The following ATP2B2 variants were observed in gnomAD, a reference collection of about 807,000 sequenced individuals.
ATP2B2 encodes the protein ATPase plasma membrane Ca2+ transporting 2, also known as plasma membrane calcium-transporting ATPase 2.
ATP2B2 carries 15 observed loss-of-function variants against 120.0 expected under a neutral mutation model. The observed-to-expected ratio is 0.12, with a 90% CI of 0.08 to 0.19. The LOEUF (loss-of-function observed/expected upper bound fraction) is 0.19. ATP2B2 is among the 10% of genes least tolerant of loss of function. ATP2B2 has a pLI of 1.00. For synonymous variants in ATP2B2, 694 were observed against 700.3 expected, an observed-to-expected ratio of 0.99 and a Z score of 0.14; for missense variants, 1,045 against 1,719.8, an observed-to-expected ratio of 0.61 and a Z score of 6.94.
intron 1 of ATP2B2, among the ~76,000 whole-genome samples, chr3:10,494,507 C>A (rs1193849240): frequency 6.6e-6 from 1 of 152,182 alleles, no homozygotes; most frequent in Non-Finnish European, 1.5e-5. Context: ...GCCTTCTCCT[C>A]CAGTTAAGAT....
chr3:10,388,165 G>C (rs1261441553), intron 6 of ATP2B2, 112 bp downstream of exon 6: 3 of 1,499,158 alleles, frequency 2.0e-6, no homozygotes, highest in East Asian at 4.6e-5. Context: ...TGTCAGCACA[G>C]GGTGCGGACG....
Position 10,487,780 on chromosome 3 carries a change from A to C in ATP2B2, c.-320+17685T>G, listed in dbSNP as rs1251501844. Among the ~76,000 whole-genome samples the C allele has an allele frequency of 3.9e-5, 6 of 152,338 alleles. No individual in the cohort carries two copies. The East Asian group carries it at 7.7e-4, about 20-fold the overall frequency. ...ATGGTGCCAGGCACCACTGAAAGCCACTATCTGAAAGTGCCTCCAACAGTA... is the reference window on the plus strand; with the variant it reads ...ATGGTGCCAGGCACCACTGAAAGCCCCTATCTGAAAGTGCCTCCAACAGTA... On this transcript the variant is annotated intron_variant, in intron 1 of 22. Coordinates refer to ENST00000360273, the MANE Select transcript of ATP2B2 (RefSeq NM_001001331.4).
intron 1 of ATP2B2, among the ~76,000 whole-genome samples, chr3:10,472,456 C>G (rs2125289150): frequency 6.6e-6 from 1 of 152,334 alleles, no homozygotes; most frequent in Admixed American, 6.5e-5. Context: ...TCCAAGGTCG[C>G]AGGAACCTGG....
chr3:10,432,568 C>T (rs185362779), intron 2 of ATP2B2, among the ~76,000 whole-genome samples: 161 of 152,380 alleles, frequency 1.1e-3, no homozygotes, highest in African/African-American at 3.7e-3. Context: ...CCAGCGCTCA[C>T]TTGCTCAACA....
chr3:10,583,938 C>T (rs1418157594), intron 2 of ATP2B2, among the ~76,000 whole-genome samples: 2 of 152,202 alleles, frequency 1.3e-5, no homozygotes, highest in Non-Finnish European at 2.9e-5. Flanking sequence ...GTGCCCAGGA[C>T]CCTGACAGCA....
chr3:10,561,353 T>C (rs569717580), intron 2 of ATP2B2, among the ~76,000 whole-genome samples: 24 of 152,286 alleles, frequency 1.6e-4, no homozygotes, highest in African/African-American at 5.5e-4. Context: ...TCATGAGACA[T>C]GTGCTATGTT....
chr3:10,382,414 T>C (rs2061557442), intron 8 of ATP2B2, among the ~76,000 whole-genome samples: 1 of 151,866 alleles, frequency 6.6e-6, no homozygotes, highest in Non-Finnish European at 1.5e-5. Context: ...TGGCATGATC[T>C]CAGCTCACTG....
chr3:10,646,683 G>A (rs764037056), intron 1 of ATP2B2, among the ~76,000 whole-genome samples: 12 of 152,084 alleles, frequency 7.9e-5, no homozygotes, highest in East Asian at 1.9e-4. Flanking sequence ...AGCAGAGTGC[G>A]TTACATAATG....
chr3:10,679,031 A>G (rs962558232), intron 1 of ATP2B2, among the ~76,000 whole-genome samples: 3 of 152,176 alleles, frequency 2.0e-5, no homozygotes, highest in African/African-American at 7.2e-5. Flanking sequence ...AGAGACTTCT[A>G]TCTCTCTCCT....
Position 10,345,402 on chromosome 3 carries a change from T to C in ATP2B2, c.2685A>G (p.Thr895=). The change falls in exon 18 of 23, where the codon ACA becomes ACG. Residue 895 remains threonine (T), a synonymous_variant. Coordinates refer to ENST00000360273, the MANE Select transcript of ATP2B2 (RefSeq NM_001001331.4). Reference sequence around the variant, plus strand: ...GACCCACCTGCGTGATGCAGGCGCCTGTGAAGGCCACAATCACGGCCACCA... The same window carrying C: ...GACCCACCTGCGTGATGCAGGCGCCCGTGAAGGCCACAATCACGGCCACCA... ...VNVVAVIVAF[T]GACITQDSPL... 6.2e-7 allele frequency: 1 copy of C among 1,614,182 alleles called. No individual in the cohort carries two copies. Among genetic ancestry groups the C allele is most frequent in the Non-Finnish European group, 8.5e-7 (1 of 1,180,016 alleles).
At chr3:10,389,920 G>A (rs369331667) in intron 5 of ATP2B2, among the ~76,000 whole-genome samples, 22 of 152,200 alleles carry the variant, frequency 1.4e-4, no homozygotes, top group African/African-American at 3.9e-4. Context: ...TAGCAGCGAG[G>A]GAATGCGGCA....
Position 10,350,543 on chromosome 3 carries a change from C to A in ATP2B2, c.2171G>T (p.Gly724Val). The change falls in exon 15 of 23, where the codon GGC becomes GTC. Residue 724 changes from glycine to valine, a missense_variant. Physicochemically the swap from Gly to Val is moderately radical, Grantham distance 109. Around this residue, in one of 11 missense-constraint regions of ATP2B2, gnomAD observed 343 missense variants for 536.8 expected, o/e 0.64. Transcript: ENST00000360273. ...PEAIRKCQRA[G>V]ITVRMVTGDN... Reference sequence around the variant, plus strand: ...GCCAGTGACCATGCGGACCGTGATGCCTGCCCGCTGGCACTTGCGGATGGC... The same window carrying A: ...GCCAGTGACCATGCGGACCGTGATGACTGCCCGCTGGCACTTGCGGATGGC... The A allele has an allele frequency of 6.2e-7, 1 of 1,613,872 alleles. No individual in the cohort carries two copies.
chr3:10,684,758 G>A (rs1395571271), intron 1 of ATP2B2, among the ~76,000 whole-genome samples: 3 of 152,194 alleles, frequency 2.0e-5, no homozygotes, highest in East Asian at 1.9e-4. Context: ...CCATGGCAAT[G>A]GCCACAAAGG....
intron 1 of ATP2B2, among the ~76,000 whole-genome samples, chr3:10,634,534 A>G (rs145929446): frequency 2.0e-4 from 31 of 152,330 alleles, no homozygotes; most frequent in African/African-American, 7.2e-4. Context: ...CCTGATTCCA[A>G]AAATAGCCCC....
chr3:10,506,988 G>A (rs557835282), upstream of ATP2B2, among the ~76,000 whole-genome samples: 1 of 152,356 alleles, frequency 6.6e-6, no homozygotes, highest in Non-Finnish European at 1.5e-5. Flanking sequence ...GCCTGAGGTG[G>A]GTCTCCCACC....
chr3:10,480,465 C>T (rs1388422740), intron 1 of ATP2B2, among the ~76,000 whole-genome samples: 1 of 152,156 alleles, frequency 6.6e-6, no homozygotes, highest in South Asian at 2.1e-4. Flanking sequence ...GGACACATCC[C>T]CAGAATGGTA....
At chr3:10,336,881 C>T (rs547264431) in intron 22 of ATP2B2, among the ~76,000 whole-genome samples, 3 of 152,366 alleles carry the variant, frequency 2.0e-5, no homozygotes, top group Admixed American at 1.3e-4. Context: ...CTCAAGAAAT[C>T]GCAGTCCTTG....
chr3:10,408,915 A>G (rs2062511924), intron 3 of ATP2B2, among the ~76,000 whole-genome samples: 1 of 152,184 alleles, frequency 6.6e-6, no homozygotes, highest in Non-Finnish European at 1.5e-5. Context: ...CCGAGGAGCC[A>G]GAATGCTTTG....
intron 2 of ATP2B2, among the ~76,000 whole-genome samples, chr3:10,431,041 C>G (rs767516586): frequency 6.6e-6 from 1 of 151,818 alleles, no homozygotes; most frequent in Non-Finnish European, 1.5e-5. Context: ...ATAAGTGGAG[C>G]GTGAAGATAT....
Sources: allele counts gnomAD v4.1 joint callset (sites outside exome capture counted in the v4.1 genomes callset), GRCh38; gene constraint gnomAD v4.1.1; regional missense constraint gnomAD v4.1.1; transcripts MANE v1.5; gene names NCBI Gene and HGNC (gene_info 2026-07-23, HGNC 2026-07-21).